FAM168A: variants seen among roughly 807,000 people sequenced by gnomAD.
The protein encoded by FAM168A is family with sequence similarity 168 member A.
A neutral mutation model predicts 28.5 loss-of-function variants in FAM168A; 3 were observed. The ratio of observed to expected loss-of-function variants is 0.11; its 90% CI spans 0.05 to 0.27. FAM168A has a LOEUF of 0.27. FAM168A is among the 10% of genes least tolerant of loss of function. The probability of loss-of-function intolerance (pLI) is 1.00; values close to 1 mark genes in which losing one functional copy is unlikely to be tolerated. For synonymous variants in FAM168A, 122 were observed against 124.2 expected, an observed-to-expected ratio of 0.98 and a Z score of 0.12; for missense variants, 222 against 311.5, an observed-to-expected ratio of 0.71 and a Z score of 2.16.
intron 1 of FAM168A, among the ~76,000 whole-genome samples, chr11:73,566,962 T>C (rs546998716): frequency 4.6e-5 from 7 of 152,272 alleles, no homozygotes; most frequent in Admixed American, 6.5e-5. Context: ...AAGAGGACCA[T>C]TTGAGTAGAA....
rs1866568522 is a variant in FAM168A, at chr11:73,409,490, C to T, written c.592G>A (p.Ala198Thr). Residue 198 changes from alanine to threonine, a missense_variant, in exon 6 of 8, where the codon GCA becomes ACA. Ala to Thr is a moderately conservative substitution (Grantham distance 58). This residue lies in a region of FAM168A where 64 missense variants were observed against 94.6 expected (regional missense o/e 0.68). Coordinates refer to ENST00000356467, the MANE Select transcript of FAM168A (RefSeq NM_015159.3). The part of the protein sequence containing the change: ...MVAGTTMAMS[A>T]GTLLTTPQHT... ...CTGATGCAGATGCTGCCCTCACCTGCTGACATTGCCATGGTGGTGCCTGCC... is the reference window on the plus strand; with the variant it reads ...CTGATGCAGATGCTGCCCTCACCTGTTGACATTGCCATGGTGGTGCCTGCC... 2 of 1,613,592 alleles carry T rather than the reference C, an allele frequency of 1.2e-6. No individual in the cohort carries two copies. Among genetic ancestry groups the T allele is most frequent in the South Asian group, 1.1e-5 (1 of 90,968 alleles).
intron 1 of FAM168A, among the ~76,000 whole-genome samples, chr11:73,557,461 C>CTCA (rs1232873488): frequency 1.3e-5 from 2 of 151,992 alleles, no homozygotes; most frequent in Non-Finnish European, 2.9e-5. Context: ...AACTCCTGAG[C>CTCA]TCAAGCGATC....
At chr11:73,504,394 A>C (rs779261557) in intron 1 of FAM168A, among the ~76,000 whole-genome samples, 24 of 152,230 alleles carry the variant, frequency 1.6e-4, no homozygotes, top group South Asian at 4.1e-4. Flanking sequence ...GCCAACAAAC[A>C]TGAAAAAAAG....
intron 1 of FAM168A, among the ~76,000 whole-genome samples, chr11:73,569,976 A>C (rs1944067226): frequency 6.6e-6 from 1 of 152,184 alleles, no homozygotes; most frequent in Non-Finnish European, 1.5e-5. Context: ...TTACTCAACA[A>C]ATGAATGATC....
At chr11:73,546,347 C>T (rs1943752504) in intron 1 of FAM168A, among the ~76,000 whole-genome samples, 1 of 152,160 alleles carries the variant, frequency 6.6e-6, no homozygotes, top group Admixed American at 6.5e-5. Flanking sequence ...CAATCAAGAG[C>T]CATAAGCACC....
intron 2 of FAM168A, among the ~76,000 whole-genome samples, chr11:73,431,580 T>C (rs1030481828): frequency 1.3e-5 from 2 of 152,132 alleles, no homozygotes; most frequent in Admixed American, 6.6e-5. Context: ...GAGAGCTACT[T>C]TGCAACATTT....
intron 1 of FAM168A, among the ~76,000 whole-genome samples, chr11:73,570,784 T>C (rs868397023): frequency 6.6e-6 from 1 of 151,108 alleles, no homozygotes; most frequent in Non-Finnish European, 1.5e-5. Context: ...TTAAGTATCA[T>C]AAAAATACCT....
chr11:73,584,178 CTT>C (rs536773551), intron 1 of FAM168A, among the ~76,000 whole-genome samples: 8 of 146,964 alleles, frequency 5.4e-5, no homozygotes, highest in African/African-American at 9.9e-5. Context: ...CATTCACTGA[CTT>C]TTTTTTTTTT....
chr11:73,436,258 G>T (rs1291072862), intron 2 of FAM168A, among the ~76,000 whole-genome samples: 3 of 152,040 alleles, frequency 2.0e-5, no homozygotes, highest in African/African-American at 7.2e-5. Flanking sequence ...GCTATTTTTT[G>T]ATTAATATGG....
intron 4 of FAM168A, among the ~76,000 whole-genome samples, chr11:73,415,255 A>G (rs982483576): frequency 1.3e-5 from 2 of 152,260 alleles, no homozygotes; most frequent in Admixed American, 1.3e-4. Context: ...AGTCTGAGAT[A>G]GAAGCAGAAC....
At chr11:73,517,195 G>T (rs570481239) in intron 1 of FAM168A, among the ~76,000 whole-genome samples, 3 of 152,052 alleles carry the variant, frequency 2.0e-5, no homozygotes, top group Non-Finnish European at 4.4e-5. Context: ...GACGACATGT[G>T]TGCATCACCA....
intron 2 of FAM168A, among the ~76,000 whole-genome samples, chr11:73,468,121 C>T (rs1371636921): frequency 3.3e-5 from 5 of 152,102 alleles, no homozygotes; most frequent in Admixed American, 6.6e-5. Context: ...TCATCTAACA[C>T]GTATTCATGT....
chr11:73,442,891 G>C (rs1339576291), intron 2 of FAM168A, among the ~76,000 whole-genome samples: 2 of 137,236 alleles, frequency 1.5e-5, no homozygotes, highest in Non-Finnish European at 3.1e-5. Context: ...TAAAGGAAAG[G>C]AGAGGAAGTG....
At chr11:73,440,223 C>T (rs1006309354) in intron 2 of FAM168A, among the ~76,000 whole-genome samples, 1 of 152,066 alleles carries the variant, frequency 6.6e-6, no homozygotes, top group African/African-American at 2.4e-5. Context: ...AAGAGATTTA[C>T]TGAAGGGAAA....
At chr11:73,455,254 G>C (rs896652975) in intron 2 of FAM168A, among the ~76,000 whole-genome samples, 1 of 152,250 alleles carries the variant, frequency 6.6e-6, no homozygotes, top group Non-Finnish European at 1.5e-5. Flanking sequence ...AGCATGGCGA[G>C]CTGAGTAAGC....
chr11:73,565,369 G>A (rs1193401687), intron 1 of FAM168A, among the ~76,000 whole-genome samples: 1 of 152,130 alleles, frequency 6.6e-6, no homozygotes, highest in African/African-American at 2.4e-5. Flanking sequence ...ATAAGTTAAA[G>A]GAAAAACCCA....
chr11:73,528,612 T>C (rs1373231641), intron 1 of FAM168A, among the ~76,000 whole-genome samples: 2 of 152,134 alleles, frequency 1.3e-5, no homozygotes, highest in Non-Finnish European at 2.9e-5. Flanking sequence ...CTTAATAAAC[T>C]TGCTTTCACT....
intron 2 of FAM168A, among the ~76,000 whole-genome samples, chr11:73,447,259 T>C (rs989511713): frequency 1.3e-5 from 2 of 152,018 alleles, no homozygotes; most frequent in African/African-American, 4.8e-5. Context: ...TCCAGTTTTC[T>C]CAAATATTGC....
At chr11:73,438,506 T>G (rs145477384) in intron 2 of FAM168A, among the ~76,000 whole-genome samples, 1 of 152,164 alleles carries the variant, frequency 6.6e-6, no homozygotes, top group Non-Finnish European at 1.5e-5. Flanking sequence ...TTAAGTACAG[T>G]TGGAATTTAC....
Sources: allele counts gnomAD v4.1 joint callset (sites outside exome capture counted in the v4.1 genomes callset), GRCh38; gene constraint gnomAD v4.1.1; regional missense constraint gnomAD v4.1.1; transcripts MANE v1.5; gene names NCBI Gene and HGNC (gene_info 2026-07-23, HGNC 2026-07-21).